The following PNPLA8 variants were observed in gnomAD, a reference collection of about 807,000 sequenced individuals.
PNPLA8 encodes the protein calcium-independent phospholipase A2-gamma.
A neutral mutation model predicts 76.9 loss-of-function variants in PNPLA8; 39 were observed. The observed-to-expected ratio is 0.51, with a 90% CI of 0.39 to 0.66. PNPLA8 has a LOEUF of 0.66. PNPLA8 is among the 30% of genes least tolerant of loss of function. PNPLA8 has a pLI of 0.00. For missense variants in PNPLA8, 887 were observed against 918.0 expected, an observed-to-expected ratio of 0.97 and a Z score of 0.44; for synonymous variants, 301 against 307.9, an observed-to-expected ratio of 0.98 and a Z score of 0.24.
intron 2 of PNPLA8, among the ~76,000 whole-genome samples, chr7:108,521,142 GA>G (rs1167157321): frequency 3.4e-5 from 5 of 149,002 alleles, no homozygotes; most frequent in African/African-American, 4.9e-5. Context: ...AATATAGCCA[GA>G]AAAAAAAATG....
chr7:108,474,232 C>G (rs1163370032), intron 10 of PNPLA8, among the ~76,000 whole-genome samples: 1 of 152,038 alleles, frequency 6.6e-6, no homozygotes. Context: ...CTAAAAAAAT[C>G]TTTACCCAAG....
In PNPLA8 at chr7:108,496,618, A is replaced by G; in HGVS notation, c.1591T>C (p.Phe531Leu). 6.2e-7 allele frequency: 1 copy of G among 1,605,716 alleles called. No individual in the cohort carries two copies. The highest frequency in any genetic ancestry group is 8.5e-7 in the Non-Finnish European group (1 of 1,177,232). The change falls in exon 7 of 11, where the codon TTT (phenylalanine) becomes CTT (leucine). Residue 531 changes from phenylalanine (F) to leucine (L), a missense_variant. By Grantham distance (22) the Phe-to-Leu change is conservative. Coordinates refer to ENST00000257694, the MANE Select transcript of PNPLA8 (RefSeq NM_001256007.3). ...TTTTCCCATGTTTGACTGTCATAAA[A>G]TGCATGGCTCCAACTCATTTTTACT... is the stretch of plus-strand genomic sequence containing the variant. ...GTVKMSWSHAFYDSQTWENIL... is the reference protein window; with the variant it reads ...GTVKMSWSHALYDSQTWENIL...
chr7:108,505,843 C>T (rs904116005), intron 4 of PNPLA8, among the ~76,000 whole-genome samples: 2 of 152,074 alleles, frequency 1.3e-5, no homozygotes, highest in African/African-American at 4.8e-5. Flanking sequence ...ACATACATAC[C>T]GCACATATGA....
chr7:108,507,365 A>AAAC (rs1554686181), intron 4 of PNPLA8, among the ~76,000 whole-genome samples: 5 of 150,076 alleles, frequency 3.3e-5, no homozygotes, highest in Non-Finnish European at 5.9e-5. Context: ...AAAAAAAAAA[A>AAAC]AGAAACAGGC....
intron 5 of PNPLA8, among the ~76,000 whole-genome samples, chr7:108,500,025 T>C (rs1792884889): frequency 6.6e-6 from 1 of 152,230 alleles, no homozygotes; most frequent in African/African-American, 2.4e-5. Flanking sequence ...TTTTTCTTCA[T>C]AGCACCCAGA....
Position 108,475,550 on chromosome 7 carries a change from G to A in PNPLA8, c.2075-2875C>T, listed in dbSNP as rs7805511. Among the ~76,000 whole-genome samples the A allele has an allele frequency of 7.9e-3, 1,199 of 152,168 alleles. 24 individuals are homozygous for A. Among genetic ancestry groups the A allele is most frequent in the African/African-American group, 0.027 (1,130 of 41,504 alleles). On this transcript the variant is annotated intron_variant, in intron 10 of 10. Transcript: ENST00000257694. ...AACAATATTGAGATTTCCAATTCATGAACACAGTACATGTATTGATTTATT... is the reference window on the plus strand; with the variant it reads ...AACAATATTGAGATTTCCAATTCATAAACACAGTACATGTATTGATTTATT...
chr7:108,517,751 T>C (rs941952379), intron 2 of PNPLA8, among the ~76,000 whole-genome samples: 20 of 152,116 alleles, frequency 1.3e-4, no homozygotes, highest in African/African-American at 4.8e-4. Context: ...CTTACATATA[T>C]ATGTAATATG....
At position 108,471,284 on chromosome 7, in the gene PNPLA8, G is replaced by A. The variant is rs1054706254; in HGVS notation, c.*1117C>T. 4.3e-5 allele frequency: 6 copies of A among 138,510 alleles called. No homozygotes were observed. Among genetic ancestry groups the A allele is most frequent in the Non-Finnish European group, 3.0e-5 (2 of 66,092 alleles). The allele number at this position is 138,510 out of a possible 1,614,324, so 8.6% of individuals were successfully genotyped here. ...AGGCTGGAGTGCACTGGCGCTATTT[G>A]GCTCACTGCAACCTCCGTCTCTCAG... On this transcript the variant is annotated 3_prime_UTR_variant, in exon 11 of 11. Coordinates refer to ENST00000257694, the MANE Select transcript of PNPLA8 (RefSeq NM_001256007.3).
intron 4 of PNPLA8, among the ~76,000 whole-genome samples, chr7:108,512,681 T>C (rs1863026638): frequency 6.6e-6 from 1 of 152,228 alleles, no homozygotes; most frequent in African/African-American, 2.4e-5. Flanking sequence ...AGAGTGTACA[T>C]GCTGACACGT....
At chr7:108,484,060 A>T (rs1860578071) in intron 9 of PNPLA8, among the ~76,000 whole-genome samples, 1 of 152,216 alleles carries the variant, frequency 6.6e-6, no homozygotes, top group African/African-American at 2.4e-5. Flanking sequence ...TGATCAGAAA[A>T]GACAAAAAAG....
intron 7 of PNPLA8, 122 bp downstream of exon 7, chr7:108,496,462 T>C: frequency 1.7e-6 from 1 of 586,930 alleles, no homozygotes; most frequent in Non-Finnish European, 2.8e-6. Flanking sequence ...TAATTTAATA[T>C]TCTTGATATT....
chr7:108,510,678 T>C, intron 4 of PNPLA8: 7 of 1,598,250 alleles, frequency 4.4e-6, no homozygotes, highest in Non-Finnish European at 5.9e-6. Context: ...CTGAAGTCAG[T>C]AAATGAACTA....
Position 108,515,355 on chromosome 7 carries a change from A to AT in PNPLA8, c.136_137insA (p.Leu46HisfsTer13), listed in dbSNP as rs1452453654. 1.2e-6 allele frequency: 2 copies of AT among 1,613,556 alleles called. No homozygotes were observed. The highest frequency in any genetic ancestry group is 3.3e-5 in the Admixed American group (2 of 59,886). On this transcript the variant is annotated frameshift_variant, in exon 3 of 11. Coordinates refer to ENST00000257694, the MANE Select transcript of PNPLA8 (RefSeq NM_001256007.3). LOFTEE classifies it high-confidence loss of function. The stretch of plus-strand genomic sequence containing the variant: ...TATGTTTGTATGAAAACCTCTTTGT[A>AT]GACTGATGTGGCTTATCCTCCAGTA...
chr7:108,510,328 G>C, intron 4 of PNPLA8: 1 of 1,586,744 alleles, frequency 6.3e-7, no homozygotes, highest in Non-Finnish European at 8.6e-7. Flanking sequence ...TGAAGCGCCT[G>C]AGAAAGAAGT....
intron 4 of PNPLA8, among the ~76,000 whole-genome samples, chr7:108,506,611 T>C (rs1720414735): frequency 6.6e-6 from 1 of 151,882 alleles, no homozygotes; most frequent in African/African-American, 2.4e-5. Flanking sequence ...TACTACTAAA[T>C]ATTCCCAAAC....
At chr7:108,476,903 C>T (rs1382290282) in intron 10 of PNPLA8, among the ~76,000 whole-genome samples, 2 of 151,994 alleles carry the variant, frequency 1.3e-5, no homozygotes, top group Non-Finnish European at 2.9e-5. Flanking sequence ...ATGAGTAGTG[C>T]ACAGTAACAT....
Position 108,515,484 on chromosome 7 carries a change from A to C in PNPLA8, c.8T>G (p.Ile3Ser). The C allele has an allele frequency of 6.9e-7, 1 of 1,446,828 alleles. No individual in the cohort carries two copies. The highest frequency in any genetic ancestry group is 2.4e-5 in the East Asian group (1 of 42,428). 89.6% of individuals were successfully genotyped at this position (1,446,828 alleles called of 1,614,324 possible). MS[I>S]NLTVDIYIYL... ...AATATATATATCTACAGTCAGATTAATAGACATAACTTAAAAATCATTTAT... is the reference window on the plus strand; with the variant it reads ...AATATATATATCTACAGTCAGATTACTAGACATAACTTAAAAATCATTTAT... The change falls in exon 3 of 11, where the codon ATT becomes AGT. Residue 3 changes from isoleucine to serine, a missense_variant. Coordinates refer to ENST00000257694, the MANE Select transcript of PNPLA8 (RefSeq NM_001256007.3).
Position 108,493,186 on chromosome 7 carries a change from CAACT to C in PNPLA8, c.1626-1723_1626-1720del, listed in dbSNP as rs551369597. Among the ~76,000 whole-genome samples, 185 of 152,080 alleles carry C rather than the reference CAACT, an allele frequency of 1.2e-3. 1 individual carries two copies. The highest frequency in any genetic ancestry group is 4.3e-3 in the African/African-American group (178 of 41,506). ...TTTGAAAAAGCAGAGAAAGAAAAAACAACTAACGACACTGATAAAATTTATCAAT... is the reference window on the plus strand; with the variant it reads ...TTTGAAAAAGCAGAGAAAGAAAAAACAACGACACTGATAAAATTTATCAAT... On this transcript the variant is annotated intron_variant, in intron 7 of 10. Transcript: ENST00000257694.
intron 10 of PNPLA8, 118 bp downstream of exon 10, chr7:108,479,066 T>C: frequency 1.5e-6 from 1 of 667,400 alleles, no homozygotes; most frequent in Non-Finnish European, 2.6e-6. Context: ...CCCATGTACT[T>C]CCTAAATCCA....
Sources: allele counts gnomAD v4.1 joint callset (sites outside exome capture counted in the v4.1 genomes callset), GRCh38; gene constraint gnomAD v4.1.1; transcripts MANE v1.5; gene names NCBI Gene and HGNC (gene_info 2026-07-23, HGNC 2026-07-21).